The following ATXN1 variants were observed in gnomAD, a reference collection of about 807,000 sequenced individuals.
ATXN1 encodes the protein ataxin 1.
A neutral mutation model predicts 56.4 loss-of-function variants in ATXN1; 8 were observed. The observed-to-expected ratio is 0.14, with a 90% CI of 0.08 to 0.26. The LOEUF (loss-of-function observed/expected upper bound fraction) is 0.26, where lower values mean the gene tolerates loss of function less well. Among genes scored for constraint, ATXN1 ranks in the 10% least tolerant of loss-of-function variants. ATXN1 has a pLI of 1.00. For missense variants in ATXN1, 987 were observed against 1,106.5 expected, an observed-to-expected ratio of 0.89 and a Z score of 1.53; for synonymous variants, 514 against 494.6, an observed-to-expected ratio of 1.04 and a Z score of -0.52.
intron 3 of ATXN1, among the ~76,000 whole-genome samples, chr6:16,605,223 C>T (rs1762981949): frequency 6.6e-6 from 1 of 152,198 alleles, no homozygotes; most frequent in African/African-American, 2.4e-5. Context: ...TTTATGACAA[C>T]ACTAAATTCT....
intron 6 of ATXN1, among the ~76,000 whole-genome samples, chr6:16,373,773 C>T (rs147350439): frequency 6.6e-6 from 1 of 152,276 alleles, no homozygotes; most frequent in Admixed American, 6.5e-5. Flanking sequence ...GTGAAGCCTC[C>T]CCAGCCACGT....
chr6:16,427,591 T>C (rs1212536633), intron 6 of ATXN1, among the ~76,000 whole-genome samples: 1 of 152,200 alleles, frequency 6.6e-6, no homozygotes, highest in Non-Finnish European at 1.5e-5. Flanking sequence ...ATTTGCCTGA[T>C]TTGTTGTAAA....
In ATXN1 at chr6:16,585,820, A is replaced by C. The variant is rs1762610654; in HGVS notation, c.-401T>G. ...TCATCACAATGGAGAACCATAAGCT[A>C]TCAGTTCCTTGCAGCAGATCTTTTC... On this transcript the variant is annotated 5_prime_UTR_variant, in exon 4 of 8. Coordinates refer to ENST00000436367, the MANE Select transcript of ATXN1 (RefSeq NM_001128164.2). 1 of 152,348 alleles carries C rather than the reference A, an allele frequency of 6.6e-6. No homozygotes were observed. Among genetic ancestry groups the C allele is most frequent in the Admixed American group, 6.5e-5 (1 of 15,310 alleles). 9.4% of individuals were successfully genotyped at this position (152,348 alleles called of 1,614,324 possible). A position where few individuals can be genotyped will look rare whatever the true frequency, so the allele number is the denominator to read the frequency against.
At chr6:16,644,110 T>C (rs1763757798) in intron 3 of ATXN1, among the ~76,000 whole-genome samples, 1 of 152,164 alleles carries the variant, frequency 6.6e-6, no homozygotes, top group African/African-American at 2.4e-5. Context: ...AATGGAGTGT[T>C]ATTGTCTAAT....
intron 7 of ATXN1, among the ~76,000 whole-genome samples, chr6:16,323,525 C>CAA (rs35308265): frequency 0.013 from 652 of 48,882 alleles, 44 homozygotes; most frequent in Non-Finnish European, 0.013. Flanking sequence ...ACTCTGTCTC[C>CAA]AAAAAAAAAA....
At chr6:16,568,805 T>C (rs929674612) in intron 4 of ATXN1, among the ~76,000 whole-genome samples, 2 of 152,194 alleles carry the variant, frequency 1.3e-5, no homozygotes, top group Admixed American at 1.3e-4. Context: ...AGTCCAGTTA[T>C]CTGGCAATCA....
chr6:16,421,080 G>A (rs1759022497), intron 6 of ATXN1, among the ~76,000 whole-genome samples: 1 of 152,232 alleles, frequency 6.6e-6, no homozygotes, highest in Non-Finnish European at 1.5e-5. Flanking sequence ...GAGGTGCCCA[G>A]CTGGAATTCA....
chr6:16,510,599 G>A (rs1300532100), intron 5 of ATXN1, among the ~76,000 whole-genome samples: 5 of 152,070 alleles, frequency 3.3e-5, no homozygotes, highest in African/African-American at 4.8e-5. Context: ...AGCTGGGCAT[G>A]GTGGCACACA....
intron 6 of ATXN1, among the ~76,000 whole-genome samples, chr6:16,433,658 C>G (rs1253384029): frequency 1.3e-5 from 2 of 152,198 alleles, no homozygotes; most frequent in Admixed American, 1.3e-4. Flanking sequence ...CAAATACGAT[C>G]CATTCTGTTT....
intron 6 of ATXN1, among the ~76,000 whole-genome samples, chr6:16,414,842 T>A (rs568505950): frequency 5.3e-4 from 80 of 152,362 alleles, no homozygotes; most frequent in African/African-American, 1.8e-3. Flanking sequence ...ATGTTTCCAA[T>A]GTAGTCAATT....
chr6:16,687,363 C>A (rs1401640295), intron 2 of ATXN1, among the ~76,000 whole-genome samples: 1 of 152,004 alleles, frequency 6.6e-6, no homozygotes, highest in African/African-American at 2.4e-5. Context: ...TGCACCTAAA[C>A]TTAAACTCTG....
chr6:16,495,242 T>G (rs1430150621), intron 5 of ATXN1, among the ~76,000 whole-genome samples: 3 of 152,234 alleles, frequency 2.0e-5, no homozygotes, highest in Non-Finnish European at 4.4e-5. Context: ...GTAAAAATCC[T>G]AAAAAAGAAA....
intron 6 of ATXN1, among the ~76,000 whole-genome samples, chr6:16,349,986 C>T (rs1319851142): frequency 6.6e-6 from 1 of 152,030 alleles, no homozygotes; most frequent in Non-Finnish European, 1.5e-5. Flanking sequence ...TTTAGAATAC[C>T]ATGCCCTAAC....
At chr6:16,701,998 T>C (rs574542125) in intron 2 of ATXN1, among the ~76,000 whole-genome samples, 1,922 of 152,056 alleles carry the variant, frequency 0.013, 40 homozygotes, top group African/African-American at 0.044. Flanking sequence ...AAAGTTCATA[T>C]GGAACCAAAA....
At chr6:16,470,863 C>T (rs1760202985) in intron 6 of ATXN1, among the ~76,000 whole-genome samples, 1 of 152,098 alleles carries the variant, frequency 6.6e-6, no homozygotes, top group South Asian at 2.1e-4. Flanking sequence ...TAAATCCTTC[C>T]AACCCTTAGC....
chr6:16,346,882 G>A (rs373376649), intron 6 of ATXN1, among the ~76,000 whole-genome samples: 39 of 152,362 alleles, frequency 2.6e-4, no homozygotes, highest in African/African-American at 8.9e-4. Context: ...AGGTGTGGAA[G>A]GAGAGGCGTG....
intron 4 of ATXN1, among the ~76,000 whole-genome samples, chr6:16,566,837 C>T (rs1762232133): frequency 6.6e-6 from 1 of 151,822 alleles, no homozygotes; most frequent in Non-Finnish European, 1.5e-5. Flanking sequence ...GCCTGGGCAA[C>T]AGAGTGAGAC....
chr6:16,754,004 G>A (rs932189901), intron 1 of ATXN1: 2 of 152,186 alleles, frequency 1.3e-5, no homozygotes, highest in Admixed American at 6.5e-5. Context: ...ATGTGTGAAT[G>A]GATGAATGAA....
chr6:16,705,318 A>G (rs1419280073), intron 2 of ATXN1, among the ~76,000 whole-genome samples: 2 of 152,196 alleles, frequency 1.3e-5, no homozygotes, highest in Non-Finnish European at 1.5e-5. Flanking sequence ...AGGTGACTCA[A>G]CAGTCACAGA....
Sources: gnomAD v4.1 joint callset for allele counts (sites outside exome capture counted in the v4.1 genomes callset) on GRCh38, gnomAD v4.1.1 for gene constraint, MANE v1.5 for transcripts, NCBI Gene and HGNC (gene_info 2026-07-23, HGNC 2026-07-21) for gene names.